PPP2R2B: variants seen among roughly 807,000 people sequenced by gnomAD.
The protein encoded by PPP2R2B is protein phosphatase 2 regulatory subunit Bbeta, also known as serine/threonine-protein phosphatase 2A 55 kDa regulatory subunit B beta isoform.
In PPP2R2B, 5 loss-of-function variants were observed where a neutral mutation model predicts 46.0. The observed-to-expected ratio is 0.11, with a 90% CI of 0.06 to 0.23. The LOEUF (loss-of-function observed/expected upper bound fraction) is 0.23, where lower values mean the gene tolerates loss of function less well. Among genes scored for constraint, PPP2R2B ranks in the 10% least tolerant of loss-of-function variants. The pLI, the probability that PPP2R2B is intolerant of heterozygous loss-of-function variation, is 1.00. For missense variants in PPP2R2B, 367 were observed against 575.0 expected, an observed-to-expected ratio of 0.64 and a Z score of 3.70; for synonymous variants, 215 against 206.7, an observed-to-expected ratio of 1.04 and a Z score of -0.34.
chr5:146,644,105 CTAAAG>C (rs1298621530), intron 6 of PPP2R2B, among the ~76,000 whole-genome samples: 4 of 151,706 alleles, frequency 2.6e-5, no homozygotes, highest in Admixed American at 1.3e-4. Context: ...TTGTTTATTG[CTAAAG>C]TAATTTACCA....
chr5:146,643,683 A>G (rs1330655289), intron 6 of PPP2R2B, among the ~76,000 whole-genome samples: 1 of 152,180 alleles, frequency 6.6e-6, no homozygotes, highest in African/African-American at 2.4e-5. Context: ...CTCACAAATC[A>G]CCACTAAAGA....
At chr5:146,701,208 A>C in intron 2 of PPP2R2B, 66 bp from the exon 3 acceptor site, 9 of 1,294,100 alleles carry the variant, frequency 7.0e-6, no homozygotes, top group Non-Finnish European at 1.0e-5. Flanking sequence ...TAGATAATAG[A>C]TATACTTTTC....
Position 146,701,182 on chromosome 5 carries a change from A to C in PPP2R2B, c.71-40T>G, listed in dbSNP as rs759961197. On this transcript the variant is annotated intron_variant, in intron 2 of 9. Coordinates refer to ENST00000394411, the MANE Select transcript of PPP2R2B (RefSeq NM_181675.4). The stretch of plus-strand genomic sequence containing the variant: ...ACAAAGGCAATTTAAGTAACTGCAC[A>C]CTTACTTTGAAAGGATAGATAATAG... 4 of 1,464,896 alleles carry C rather than the reference A, an allele frequency of 2.7e-6. No homozygotes were observed. In the East Asian group the frequency reaches 6.8e-5, roughly 25 times the overall value. The allele number at this position is 1,464,896 out of a possible 1,614,324, so 90.7% of individuals were successfully genotyped here. A position where few individuals can be genotyped will look rare whatever the true frequency, so the allele number is the denominator to read the frequency against.
intron 2 of PPP2R2B, among the ~76,000 whole-genome samples, chr5:147,075,027 C>T (rs968485987): frequency 2.0e-4 from 31 of 152,084 alleles, no homozygotes; most frequent in Admixed American, 1.3e-4. Flanking sequence ...ATTGCAGTAT[C>T]AGAAAGAAAA....
At chr5:146,817,924 A>C (rs1758025908) in intron 2 of PPP2R2B, among the ~76,000 whole-genome samples, 1 of 152,200 alleles carries the variant, frequency 6.6e-6, no homozygotes, top group Non-Finnish European at 1.5e-5. Context: ...ATTTGCTCAC[A>C]CTGCTCTGCA....
intron 1 of PPP2R2B, among the ~76,000 whole-genome samples, chr5:146,887,646 A>G (rs1374784933): frequency 6.6e-6 from 1 of 152,256 alleles, no homozygotes; most frequent in Non-Finnish European, 1.5e-5. Flanking sequence ...AAGATGTGAT[A>G]TATAATTCCA....
chr5:147,012,062 G>A (rs1754762546), intron 1 of PPP2R2B, among the ~76,000 whole-genome samples: 2 of 150,426 alleles, frequency 1.3e-5, no homozygotes, highest in Admixed American at 1.3e-4. Context: ...GTCTCTGCCT[G>A]GCTTTGGTAT....
chr5:146,744,295 A>T (rs1753047393), intron 2 of PPP2R2B, among the ~76,000 whole-genome samples: 1 of 152,186 alleles, frequency 6.6e-6, no homozygotes, highest in Non-Finnish European at 1.5e-5. Flanking sequence ...TTCAGGATGG[A>T]GTGGCAGAGC....
At chr5:146,731,155 ATGT>A (rs1171515303) in intron 2 of PPP2R2B, among the ~76,000 whole-genome samples, 1 of 152,206 alleles carries the variant, frequency 6.6e-6, no homozygotes, top group East Asian at 1.9e-4. Flanking sequence ...CATAAATAAA[ATGT>A]TGTATGTGTG....
chr5:146,985,271 G>A (rs971603977), intron 1 of PPP2R2B, among the ~76,000 whole-genome samples: 15 of 151,896 alleles, frequency 9.9e-5, no homozygotes, highest in Admixed American at 2.6e-4. Flanking sequence ...CACCTGCCTC[G>A]GCCTCCCAAA....
chr5:146,757,993 G>A (rs978176393), intron 2 of PPP2R2B, among the ~76,000 whole-genome samples: 3 of 152,188 alleles, frequency 2.0e-5, no homozygotes, highest in African/African-American at 7.2e-5. Context: ...AACAACCAAG[G>A]AAGGACATGA....
At chr5:147,032,466 G>C (rs1027972520) in intron 1 of PPP2R2B, among the ~76,000 whole-genome samples, 6 of 152,056 alleles carry the variant, frequency 3.9e-5, no homozygotes, top group Admixed American at 2.0e-4. Context: ...CACCCAAGCA[G>C]TACACTCTGC....
intron 1 of PPP2R2B, among the ~76,000 whole-genome samples, chr5:147,042,912 G>A (rs1756378846): frequency 6.6e-6 from 1 of 152,066 alleles, no homozygotes; most frequent in African/African-American, 2.4e-5. Flanking sequence ...AGGCCCTGGA[G>A]AGGGGATGTA....
chr5:146,696,107 GT>G lies in PPP2R2B; in HGVS notation c.334+1871del, dbSNP rs562284847. Among the ~76,000 whole-genome samples the G allele has an allele frequency of 6.3e-3, 908 of 144,168 alleles. 6 individuals carry two copies. The highest frequency in any genetic ancestry group is 0.014 in the African/African-American group (538 of 39,624). The allele number at this position is 144,168 out of a possible 152,430, so 94.6% of individuals were successfully genotyped here. On this transcript the variant is annotated intron_variant, in intron 4 of 9. Coordinates refer to ENST00000394411, the MANE Select transcript of PPP2R2B (RefSeq NM_181675.4). The stretch of plus-strand genomic sequence containing the variant: ...AACAAAGTAGTTAATAAATCCTTGA[GT>G]TTTTTTTTTTTTTGAGATGGAGTCT...
chr5:146,840,444 C>T (rs773426285), intron 2 of PPP2R2B, among the ~76,000 whole-genome samples: 1 of 152,186 alleles, frequency 6.6e-6, no homozygotes, highest in East Asian at 1.9e-4. Context: ...CTTAATAAAT[C>T]TTAGTTTCTT....
chr5:146,997,309 T>C (rs1753967006), intron 1 of PPP2R2B, among the ~76,000 whole-genome samples: 1 of 152,226 alleles, frequency 6.6e-6, no homozygotes, highest in South Asian at 2.1e-4. Context: ...AGCCACTCTC[T>C]ACTCTGACCC....
At chr5:146,824,706 G>A (rs1440351571) in intron 2 of PPP2R2B, among the ~76,000 whole-genome samples, 1 of 151,422 alleles carries the variant, frequency 6.6e-6, no homozygotes, top group Non-Finnish European at 1.5e-5. Flanking sequence ...GCCTCTCTTA[G>A]TCCTAAATTG....
At chr5:146,747,564 G>A (rs1227200919) in intron 2 of PPP2R2B, among the ~76,000 whole-genome samples, 2 of 152,120 alleles carry the variant, frequency 1.3e-5, no homozygotes, top group East Asian at 1.9e-4. Flanking sequence ...TAATTACAAA[G>A]TATTTTTGCA....
intron 5 of PPP2R2B, among the ~76,000 whole-genome samples, chr5:146,653,852 A>C (rs1776149811): frequency 6.6e-6 from 1 of 151,706 alleles, no homozygotes; most frequent in South Asian, 2.1e-4. Flanking sequence ...GACAGGGGGG[A>C]TGGAGAGCTG....
Sources: allele counts gnomAD v4.1 joint callset (sites outside exome capture counted in the v4.1 genomes callset), GRCh38; gene constraint gnomAD v4.1.1; transcripts MANE v1.5; gene names NCBI Gene and HGNC (gene_info 2026-07-23, HGNC 2026-07-21).